The following GAS2 variants were observed in gnomAD, a reference collection of about 807,000 sequenced individuals.
GAS2 encodes growth arrest-specific protein 2.
A neutral mutation model predicts 37.5 loss-of-function variants in GAS2; 20 were observed. That is an observed-to-expected ratio of 0.53 (90% CI 0.37 to 0.77). The LOEUF is 0.77. GAS2 is among the 30% of genes least tolerant of loss of function. GAS2 has a pLI of 0.00. For missense variants in GAS2, 336 were observed against 373.4 expected (o/e 0.90, Z 0.82); for synonymous variants, 144 against 132.2 (o/e 1.09, Z -0.61).
intron 2 of GAS2, among the ~76,000 whole-genome samples, chr11:22,684,502 T>C (rs1849845024): frequency 7.8e-6 from 1 of 128,846 alleles, no homozygotes; most frequent in Admixed American, 7.2e-5. Flanking sequence ...ACTAATAATT[T>C]ACACAAAAAA....
chr11:22,791,518 A>C (rs1213331932), intron 7 of GAS2, among the ~76,000 whole-genome samples: 1 of 152,240 alleles, frequency 6.6e-6, no homozygotes, highest in Non-Finnish European at 1.5e-5. Context: ...GAAAAGAAAG[A>C]GGAAAGATCT....
At chr11:22,721,283 G>A (rs1174649572) in intron 3 of GAS2, among the ~76,000 whole-genome samples, 1 of 151,986 alleles carries the variant, frequency 6.6e-6, no homozygotes, top group Non-Finnish European at 1.5e-5. Flanking sequence ...TGGCACTGTG[G>A]CAGTATAATG....
chr11:22,765,718 G>A (rs1179494738), intron 7 of GAS2, among the ~76,000 whole-genome samples: 2 of 151,846 alleles, frequency 1.3e-5, no homozygotes, highest in African/African-American at 4.8e-5. Context: ...GGCAGAGCTT[G>A]CAGTGTGCCG....
At chr11:22,709,720 A>T (rs1257940648) in intron 3 of GAS2, among the ~76,000 whole-genome samples, 1 of 152,202 alleles carries the variant, frequency 6.6e-6, no homozygotes, top group Non-Finnish European at 1.5e-5. Context: ...ACGTATGTTT[A>T]TCGTGGCACT....
At chr11:22,792,992 T>TG (rs1233992206) in intron 7 of GAS2, among the ~76,000 whole-genome samples, 1 of 152,198 alleles carries the variant, frequency 6.6e-6, no homozygotes, top group Non-Finnish European at 1.5e-5. Flanking sequence ...AAAGAGGCCA[T>TG]GGCTGAGCAT....
intron 7 of GAS2, among the ~76,000 whole-genome samples, chr11:22,807,737 C>G (rs1256538803): frequency 2.6e-5 from 4 of 152,138 alleles, no homozygotes; most frequent in Non-Finnish European, 4.4e-5. Context: ...TCTCAACTGA[C>G]TAAAATTAGG....
At chr11:22,640,205 C>CT (rs1858892540) in intron 1 of GAS2, among the ~76,000 whole-genome samples, 1 of 152,102 alleles carries the variant, frequency 6.6e-6, no homozygotes, top group Non-Finnish European at 1.5e-5. Context: ...TGAGATGTGT[C>CT]TTTTTAGTTG....
intron 3 of GAS2, among the ~76,000 whole-genome samples, chr11:22,697,427 G>A (rs1245129146): frequency 6.6e-6 from 1 of 152,122 alleles, no homozygotes; most frequent in South Asian, 2.1e-4. Context: ...GGCGATGCGG[G>A]CTCTTTTTTG....
chr11:22,685,179 C>A (rs544890287), intron 2 of GAS2, among the ~76,000 whole-genome samples: 10 of 151,684 alleles, frequency 6.6e-5, no homozygotes, highest in South Asian at 2.1e-4. Flanking sequence ...AGAGAGAGAG[C>A]GAGAGACCTA....
intron 4 of GAS2, among the ~76,000 whole-genome samples, chr11:22,729,886 T>C (rs1283330163): frequency 6.6e-6 from 1 of 151,820 alleles, no homozygotes; most frequent in Admixed American, 6.6e-5. Context: ...ATGCTTTCTT[T>C]GGAAGGCAAT....
At chr11:22,648,021 T>C (rs1462238093) in intron 1 of GAS2, among the ~76,000 whole-genome samples, 3 of 152,334 alleles carry the variant, frequency 2.0e-5, no homozygotes, top group Non-Finnish European at 4.4e-5. Flanking sequence ...TGAATGGTAA[T>C]GCCTAGGTTT....
intron 1 of GAS2, among the ~76,000 whole-genome samples, chr11:22,640,601 A>C (rs1858897779): frequency 6.6e-6 from 1 of 152,230 alleles, no homozygotes; most frequent in Admixed American, 6.5e-5. Context: ...TGACCATTTC[A>C]AACATAAAAG....
At chr11:22,654,941 G>A (rs1399781126) in intron 1 of GAS2, among the ~76,000 whole-genome samples, 1 of 152,122 alleles carries the variant, frequency 6.6e-6, no homozygotes, top group African/African-American at 2.4e-5. Flanking sequence ...TATGTAGTGT[G>A]CGATGCTTAA....
At position 22,755,921 on chromosome 11, in the gene GAS2, T is replaced by A. The variant is rs774739106; in HGVS notation, c.691T>A (p.Tyr231Asn). 3.7e-6 allele frequency: 6 copies of A among 1,612,526 alleles called. No homozygotes were observed. Among genetic ancestry groups the A allele is most frequent in the African/African-American group, 2.7e-5 (2 of 74,872 alleles). The change falls in exon 7 of 8, where the codon TAC becomes AAC. Residue 231 changes from tyrosine (Y) to asparagine (N), a missense_variant. Physicochemically the swap from Tyr to Asn is moderately radical, Grantham distance 143. Coordinates refer to ENST00000454584, the MANE Select transcript of GAS2 (RefSeq NM_001143830.3). ...FCVERLSQGR[Y>N]RVGEKILFIR... ...TGTGGAGCGGCTCTCCCAAGGAAGA[T>A]ACCGAGTGGGAGAAAAGATCCTCTT...
rs191094173 is a variant in GAS2 at position 22,698,100 on chromosome 11, A to C, written c.267+12311A>C. Reference sequence around the variant, plus strand: ...ATGGAGCTGGGTTTTTGAAAGGATCAGCAAAATTGATAGACCGCTAGCAAG... The same window carrying C: ...ATGGAGCTGGGTTTTTGAAAGGATCCGCAAAATTGATAGACCGCTAGCAAG... On this transcript the variant is annotated intron_variant, in intron 3 of 7. Coordinates refer to ENST00000454584, the MANE Select transcript of GAS2 (RefSeq NM_001143830.3). Among the ~76,000 whole-genome samples the C allele has an allele frequency of 2.6e-3, 392 of 152,172 alleles. 3 individuals carry two copies. The highest frequency in any genetic ancestry group is 0.017 in the Middle Eastern group (5 of 294).
In GAS2 at chr11:22,721,720, A is replaced by G. The variant is rs569123962; in HGVS notation, c.268-4572A>G. ...CTACCATATTGGTTAGCACAGATAT[A>G]GGACATTTTTATCAATGTAGAAAGT... On this transcript the variant is annotated intron_variant, in intron 3 of 7. Transcript: ENST00000454584. Among the ~76,000 whole-genome samples the G allele has an allele frequency of 2.6e-5, 4 of 152,198 alleles. No homozygotes were observed. The South Asian group carries it at 8.3e-4, about 32-fold the overall frequency.
chr11:22,747,371 C>A (rs4480545), intron 5 of GAS2, among the ~76,000 whole-genome samples: 141,660 of 152,100 alleles, frequency 0.93, 66,783 homozygotes, highest in East Asian at 1. Context: ...CTATGTACAA[C>A]AGATTAGAAA....
Position 22,637,133 on chromosome 11 carries a change from ATAT to A in GAS2, c.-21+11324_-21+11326del, listed in dbSNP as rs575858830. Reference sequence around the variant, plus strand: ...TATTAATATAATATTACTTATATTAATATTATATCAATATATTACTTATGTTAA... The same window carrying A: ...TATTAATATAATATTACTTATATTAATATATCAATATATTACTTATGTTAA... On this transcript the variant is annotated intron_variant, in intron 1 of 5. Transcript: ENST00000528582. 3.3e-3 allele frequency among the ~76,000 whole-genome samples: 394 copies of A among 119,992 alleles called. 10 individuals are homozygous for A. In the East Asian group the frequency reaches 0.07, roughly 21 times the overall value. 78.7% of individuals were successfully genotyped at this position (119,992 alleles called of 152,430 possible).
intron 1 of GAS2, among the ~76,000 whole-genome samples, chr11:22,644,481 G>T (rs1317742314): frequency 6.6e-6 from 1 of 152,186 alleles, no homozygotes; most frequent in Non-Finnish European, 1.5e-5. Context: ...TAAGGGAATA[G>T]AGAGATATTT....
Sources: gnomAD v4.1 joint callset for allele counts (sites outside exome capture counted in the v4.1 genomes callset) on GRCh38, gnomAD v4.1.1 for gene constraint, MANE v1.5 for transcripts, NCBI Gene and HGNC (gene_info 2026-07-23, HGNC 2026-07-21) for gene names.